PIK3C2G: variants seen among roughly 807,000 people sequenced by gnomAD.
The protein encoded by PIK3C2G is phosphatidylinositol-4-phosphate 3-kinase catalytic subunit type 2 gamma.
In PIK3C2G, 168 loss-of-function variants were observed where a neutral mutation model predicts 181.1. The observed-to-expected ratio is 0.93, with a 90% CI of 0.82 to 1.05. The LOEUF (loss-of-function observed/expected upper bound fraction) is 1.05, where lower values mean the gene tolerates loss of function less well. Among genes scored for constraint, PIK3C2G ranks in the 50% least tolerant of loss-of-function variants. The pLI is 0.00. For synonymous variants in PIK3C2G, 573 were observed against 592.2 expected (o/e 0.97, Z 0.47); for missense variants, 1,869 against 1,732.8 (o/e 1.08, Z -1.40).
At chr12:18,326,756 T>G (rs1000131396) in intron 8 of PIK3C2G, among the ~76,000 whole-genome samples, 1 of 152,176 alleles carries the variant, frequency 6.6e-6, no homozygotes, top group Non-Finnish European at 1.5e-5. Flanking sequence ...TCATGTAGAA[T>G]GTGAAACTTA....
rs568827897 is a variant in PIK3C2G, at chr12:18,361,985, G to A, written c.1626-779G>A. Among the ~76,000 whole-genome samples the A allele has an allele frequency of 1.2e-3, 176 of 148,674 alleles. 1 individual carries two copies. The highest frequency in any genetic ancestry group is 1.5e-3 in the Non-Finnish European group (102 of 67,192). On this transcript the variant is annotated intron_variant, in intron 11 of 32. Transcript: ENST00000538779. ...AGAAGCCACCCAACTTTTTTTTTTT[G>A]TTCTCAACAGTCTCCAGGCATCTAG...
intron 24 of PIK3C2G, among the ~76,000 whole-genome samples, chr12:18,510,022 G>T (rs1942105216): frequency 6.6e-6 from 1 of 152,114 alleles, no homozygotes; most frequent in Non-Finnish European, 1.5e-5. Context: ...AGGCTGGAGT[G>T]CAGTGGCACA....
chr12:18,543,453 G>T (rs1944271430), intron 25 of PIK3C2G, among the ~76,000 whole-genome samples: 1 of 151,944 alleles, frequency 6.6e-6, no homozygotes, highest in Non-Finnish European at 1.5e-5. Flanking sequence ...TCTTCATCAT[G>T]AAATCTTTGC....
At chr12:18,499,688 G>A (rs1197029202) in intron 22 of PIK3C2G, among the ~76,000 whole-genome samples, 1 of 152,224 alleles carries the variant, frequency 6.6e-6, no homozygotes, top group Non-Finnish European at 1.5e-5. Context: ...CCCCGGAGGT[G>A]GAGGAGAGGC....
intron 18 of PIK3C2G, among the ~76,000 whole-genome samples, chr12:18,475,228 T>C (rs1014014634): frequency 2.0e-5 from 3 of 152,062 alleles, no homozygotes; most frequent in Non-Finnish European, 4.4e-5. Context: ...GACTGGGTTT[T>C]AGAGTCTGAC....
At chr12:18,420,036 T>C (rs1282841401) in intron 16 of PIK3C2G, among the ~76,000 whole-genome samples, 1 of 152,188 alleles carries the variant, frequency 6.6e-6, no homozygotes, top group Non-Finnish European at 1.5e-5. Flanking sequence ...TCTGGTTTGT[T>C]TGTTTTTATT....
the PIK3C2G span, chr12:18,693,483 C>T: frequency 1.2e-6 from 2 of 1,608,508 alleles, no homozygotes; most frequent in South Asian, 1.1e-5. Context: ...ACCTTGTTAG[C>T]CAAAGCAGTA....
chr12:18,283,549 G>T (rs553842268), intron 2 of PIK3C2G, among the ~76,000 whole-genome samples: 1 of 152,260 alleles, frequency 6.6e-6, no homozygotes, highest in African/African-American at 2.4e-5. Context: ...CAGAATGAAT[G>T]CAAAGAAGAA....
chr12:18,700,473 G>C, the PIK3C2G span, among the ~76,000 whole-genome samples: 5 of 128,338 alleles, frequency 3.9e-5, no homozygotes, highest in African/African-American at 1.5e-4. Flanking sequence ...ACAGTAATTG[G>C]TTCTGGGATG....
At chr12:18,679,512 A>G in the PIK3C2G span, among the ~76,000 whole-genome samples, 8 of 151,978 alleles carry the variant, frequency 5.3e-5, no homozygotes, top group Non-Finnish European at 1.0e-4. Context: ...AGATGGCCCT[A>G]GATTAATAAC....
Position 18,399,864 on chromosome 12 carries a change from A to C in PIK3C2G, c.2315+17A>C, listed in dbSNP as rs1369818603. 33 of 1,529,834 alleles carry C rather than the reference A, an allele frequency of 2.2e-5. No homozygotes were observed. Among genetic ancestry groups the C allele is most frequent in the Non-Finnish European group, 2.9e-5 (32 of 1,120,740 alleles). The allele number at this position is 1,529,834 out of a possible 1,614,324, so 94.8% of individuals were successfully genotyped here. On this transcript the variant is annotated intron_variant, in intron 16 of 32. Coordinates refer to ENST00000538779, the MANE Select transcript of PIK3C2G (RefSeq NM_001288772.2). ...GACTTCCAGGTAAGAATTGCATAAC[A>C]AGCATGATATTACTGACTGAGAAGA...
In PIK3C2G at chr12:18,423,993, C is replaced by T. The variant is rs754014756; in HGVS notation, c.2458C>T (p.Leu820Phe). 2.5e-6 allele frequency: 4 copies of T among 1,611,734 alleles called. No homozygotes were observed. In the Admixed American group the frequency reaches 6.7e-5, roughly 27 times the overall value. Reference sequence around the variant, plus strand: ...TGAGAGTCCTTTAGTGCAACTTCTACTCCACCGCTCCTTGCAGAGCATCCA... The same window carrying T: ...TGAGAGTCCTTTAGTGCAACTTCTATTCCACCGCTCCTTGCAGAGCATCCA... Reference protein sequence around the residue: ...NLESPLVQLLLHRSLQSIQVA... With the variant: ...NLESPLVQLLFHRSLQSIQVA... The change falls in exon 18 of 33, where the codon CTC becomes TTC. Residue 820 changes from leucine (L) to phenylalanine (F), a missense_variant. Physicochemically the swap from Leu to Phe is conservative, Grantham distance 22. Transcript: ENST00000538779.
At chr12:18,565,459 T>C (rs1945581696) in intron 28 of PIK3C2G, among the ~76,000 whole-genome samples, 1 of 152,178 alleles carries the variant, frequency 6.6e-6, no homozygotes, top group Non-Finnish European at 1.5e-5. Context: ...GATCAGGCTA[T>C]AGAAACTTCT....
intron 24 of PIK3C2G, among the ~76,000 whole-genome samples, chr12:18,532,113 C>T (rs938324175): frequency 6.6e-6 from 1 of 151,878 alleles, no homozygotes; most frequent in African/African-American, 2.4e-5. Context: ...GTTTAAGTTG[C>T]ATTTTCCTAG....
chr12:18,410,888 G>A (rs1365575386), intron 16 of PIK3C2G, among the ~76,000 whole-genome samples: 3 of 152,116 alleles, frequency 2.0e-5, no homozygotes, highest in South Asian at 2.1e-4. Context: ...TAAAATCAAC[G>A]TGTAATTATA....
At chr12:18,345,748 G>A (rs1175114070) in intron 10 of PIK3C2G, among the ~76,000 whole-genome samples, 1 of 151,860 alleles carries the variant, frequency 6.6e-6, no homozygotes, top group Non-Finnish European at 1.5e-5. Context: ...TTTACTTAAG[G>A]TAACAAACTG....
chr12:18,325,073 A>T lies in PIK3C2G; in HGVS notation c.1247A>T (p.His416Leu), dbSNP rs747684196. 6.4e-7 allele frequency: 1 copy of T among 1,572,880 alleles called. No individual in the cohort carries two copies. The highest frequency in any genetic ancestry group is 8.7e-7 in the Non-Finnish European group (1 of 1,145,414). Reference protein sequence around the residue: ...LLTLIRKYDFHLKYLLKTQEN... With the variant: ...LLTLIRKYDFLLKYLLKTQEN... The stretch of plus-strand genomic sequence containing the variant: ...ACACTCATCAGAAAATATGACTTCC[A>T]CCTGAAATACCTATTGAAAACCCAG... The change falls in exon 8 of 33, where the codon CAC (histidine) becomes CTC (leucine). Residue 416 changes from histidine to leucine, a missense_variant. Coordinates refer to ENST00000538779, the MANE Select transcript of PIK3C2G (RefSeq NM_001288772.2).
At chr12:18,496,204 G>T in intron 21 of PIK3C2G, 50 bp downstream of exon 21, 1 of 1,032,150 alleles carries the variant, frequency 9.7e-7, no homozygotes, top group South Asian at 1.6e-5. Flanking sequence ...CAGAACTATC[G>T]ATTTATTACT....
In PIK3C2G at chr12:18,505,383, T is replaced by C. The variant is rs776758397; in HGVS notation, c.3245T>C (p.Leu1082Pro). 3 of 1,613,368 alleles carry C rather than the reference T, an allele frequency of 1.9e-6. No homozygotes were observed. The highest frequency in any genetic ancestry group is 3.3e-5 in the Admixed American group (2 of 59,954). ...VCDRHNDNIM[L>P]TKSGHMFHID... Reference sequence around the variant, plus strand: ...GACCGTCACAATGATAATATCATGCTGACAAAGTCGGGCCACATGTTTCAT... The same window carrying C: ...GACCGTCACAATGATAATATCATGCCGACAAAGTCGGGCCACATGTTTCAT... Residue 1082 changes from leucine (L) to proline (P), a missense_variant, in exon 24 of 33, where the codon CTG (leucine) becomes CCG (proline). Coordinates refer to ENST00000538779, the MANE Select transcript of PIK3C2G (RefSeq NM_001288772.2).
Sources: allele counts gnomAD v4.1 joint callset (sites outside exome capture counted in the v4.1 genomes callset), GRCh38; gene constraint gnomAD v4.1.1; transcripts MANE v1.5; gene names NCBI Gene and HGNC (gene_info 2026-07-23, HGNC 2026-07-21).